Variants in GALNTL6 observed in about 807,000 individuals in gnomAD.
GALNTL6 encodes polypeptide N-acetylgalactosaminyltransferase-like 6.
GALNTL6 carries 46 observed loss-of-function variants against 73.7 expected under a neutral mutation model. The ratio of observed to expected loss-of-function variants is 0.62; its 90% CI spans 0.49 to 0.80. GALNTL6 has a LOEUF of 0.80. Among genes scored for constraint, GALNTL6 ranks in the 30% least tolerant of loss-of-function variants. The probability of loss-of-function intolerance (pLI) is 0.00; values close to 1 mark genes in which losing one functional copy is unlikely to be tolerated. For missense variants in GALNTL6, 604 were observed against 755.0 expected (o/e 0.80, Z 2.34); for synonymous variants, 259 against 263.7 (o/e 0.98, Z 0.17).
At chr4:172,460,523 A>C (rs1732573066) in intron 5 of GALNTL6, among the ~76,000 whole-genome samples, 1 of 152,244 alleles carries the variant, frequency 6.6e-6, no homozygotes, top group Non-Finnish European at 1.5e-5. Flanking sequence ...CAAATTTAAA[A>C]GAAAAAGACA....
intron 4 of GALNTL6, among the ~76,000 whole-genome samples, chr4:172,337,466 G>T (rs777655363): frequency 6.6e-6 from 1 of 152,064 alleles, no homozygotes; most frequent in Non-Finnish European, 1.5e-5. Context: ...CTTTTATAAG[G>T]TTGGTCTATT....
chr4:172,796,412 G>T (rs1740264576), intron 5 of GALNTL6, among the ~76,000 whole-genome samples: 1 of 152,040 alleles, frequency 6.6e-6, no homozygotes, highest in South Asian at 2.1e-4. Context: ...TATAAAATGA[G>T]GATTAAATAA....
At chr4:172,908,607 T>TGA (rs1747028369) in intron 8 of GALNTL6, among the ~76,000 whole-genome samples, 2 of 130,280 alleles carry the variant, frequency 1.5e-5, no homozygotes, top group Middle Eastern at 3.5e-3. Context: ...TGCATGAGCG[T>TGA]GAGTGTGTGT....
intron 12 of GALNTL6, among the ~76,000 whole-genome samples, chr4:173,033,855 T>G (rs1429899962): frequency 6.6e-6 from 1 of 152,158 alleles, no homozygotes; most frequent in Middle Eastern, 3.2e-3. Flanking sequence ...TCTTTCTACT[T>G]ACATGGAAAT....
intron 10 of GALNTL6, among the ~76,000 whole-genome samples, chr4:172,982,876 C>T (rs1325659521): frequency 2.0e-5 from 3 of 151,816 alleles, no homozygotes; most frequent in Non-Finnish European, 4.4e-5. Context: ...TGTAAGTAGC[C>T]AGGCACAGAG....
chr4:172,951,715 T>A (rs1486795116), intron 9 of GALNTL6, among the ~76,000 whole-genome samples: 6 of 152,120 alleles, frequency 3.9e-5, no homozygotes, highest in Admixed American at 3.9e-4. Flanking sequence ...ATGTAAAAAA[T>A]AAAAAATGTA....
At chr4:172,121,050 A>T (rs981618303) in intron 2 of GALNTL6, among the ~76,000 whole-genome samples, 1 of 152,116 alleles carries the variant, frequency 6.6e-6, no homozygotes, top group Non-Finnish European at 1.5e-5. Context: ...TATGTATTTG[A>T]GAATCGGCAT....
intron 5 of GALNTL6, among the ~76,000 whole-genome samples, chr4:172,684,857 C>T (rs920031291): frequency 7.2e-5 from 11 of 152,288 alleles, no homozygotes; most frequent in Admixed American, 2.6e-4. Context: ...ATTCCTCAAG[C>T]TCTCCATTTC....
chr4:172,865,638 A>G (rs1246278705), intron 7 of GALNTL6, among the ~76,000 whole-genome samples: 19 of 152,152 alleles, frequency 1.2e-4, no homozygotes, highest in Admixed American at 1.2e-3. Context: ...ATCACTGTTT[A>G]ATTATTTTCT....
intron 5 of GALNTL6, among the ~76,000 whole-genome samples, chr4:172,646,060 G>A (rs1021550302): frequency 3.3e-5 from 5 of 152,022 alleles, no homozygotes; most frequent in African/African-American, 9.7e-5. Flanking sequence ...ATATTTGGGA[G>A]TGGCATGTCC....
At chr4:172,609,623 C>CTG (rs1414167008) in intron 5 of GALNTL6, among the ~76,000 whole-genome samples, 2,286 of 92,300 alleles carry the variant, frequency 0.025, 27 homozygotes, top group African/African-American at 0.05. Context: ...CTCTCTCTCT[C>CTG]TCTGTGTGTG....
At chr4:171,820,252 A>C (rs1387374092) in intron 2 of GALNTL6, among the ~76,000 whole-genome samples, 1 of 152,196 alleles carries the variant, frequency 6.6e-6, no homozygotes, top group African/African-American at 2.4e-5. Flanking sequence ...TCACTGCTTA[A>C]CAAGCAAAAT....
intron 2 of GALNTL6, among the ~76,000 whole-genome samples, chr4:172,032,506 G>A (rs923790554): frequency 3.9e-5 from 6 of 152,012 alleles, no homozygotes; most frequent in African/African-American, 1.4e-4. Flanking sequence ...TGGGCTGATG[G>A]TTGAATATCA....
intron 9 of GALNTL6, among the ~76,000 whole-genome samples, chr4:172,933,015 A>G (rs1414306679): frequency 6.6e-6 from 1 of 152,186 alleles, no homozygotes; most frequent in East Asian, 1.9e-4. Context: ...CAAAATCATA[A>G]AGTAATTAAA....
chr4:172,168,143 T>A (rs1253374372), intron 2 of GALNTL6, among the ~76,000 whole-genome samples: 1 of 152,184 alleles, frequency 6.6e-6, no homozygotes, highest in Non-Finnish European at 1.5e-5. Context: ...CAACCCTAAT[T>A]AGTTTTAAGC....
At chr4:173,007,533 G>A (rs567891459) in intron 10 of GALNTL6, among the ~76,000 whole-genome samples, 20 of 152,310 alleles carry the variant, frequency 1.3e-4, no homozygotes, top group South Asian at 6.2e-4. Flanking sequence ...AGGGCCAGGC[G>A]TGGTGGCTCA....
chr4:172,651,054 G>T (rs939379539), intron 5 of GALNTL6, among the ~76,000 whole-genome samples: 11 of 152,166 alleles, frequency 7.2e-5, no homozygotes, highest in African/African-American at 2.7e-4. Context: ...ACTGATGAAA[G>T]ACTTTTACTT....
chr4:172,132,034 A>G (rs1224416274), intron 2 of GALNTL6, among the ~76,000 whole-genome samples: 1 of 152,070 alleles, frequency 6.6e-6, no homozygotes, highest in Non-Finnish European at 1.5e-5. Flanking sequence ...AAATGGATAG[A>G]AAAAAGAAAA....
chr4:171,972,332 A>C (rs919677048), intron 2 of GALNTL6, among the ~76,000 whole-genome samples: 1 of 152,168 alleles, frequency 6.6e-6, no homozygotes, highest in Admixed American at 6.5e-5. Context: ...ATATTTCATA[A>C]ATCATTTCAA....
Sources: allele counts gnomAD v4.1 joint callset (sites outside exome capture counted in the v4.1 genomes callset), GRCh38; gene constraint gnomAD v4.1.1; transcripts MANE v1.5; gene names NCBI Gene and HGNC (gene_info 2026-07-23, HGNC 2026-07-21).